GREB1L: variants seen among roughly 807,000 people sequenced by gnomAD.
GREB1L encodes the protein GREB1 like retinoic acid receptor coactivator.
A neutral mutation model predicts 200.8 loss-of-function variants in GREB1L; 17 were observed. The observed-to-expected ratio is 0.08, with a 90% CI of 0.06 to 0.13. GREB1L has a LOEUF of 0.13. Among genes scored for constraint, GREB1L ranks in the 10% least tolerant of loss-of-function variants. GREB1L has a pLI of 1.00. For missense variants in GREB1L, 1,657 were observed against 2,367.7 expected (o/e 0.70, Z 6.23); for synonymous variants, 789 against 893.0 (o/e 0.88, Z 2.08).
At chr18:21,396,405 A>G (rs865985856) in intron 5 of GREB1L, among the ~76,000 whole-genome samples, 3 of 152,250 alleles carry the variant, frequency 2.0e-5, no homozygotes, top group Middle Eastern at 3.4e-3. Flanking sequence ...TTGACCAGAC[A>G]TTTTTAAAAA....
In GREB1L at chr18:21,380,936, T is replaced by TAAAAATACAATAATTAGCCA. The variant is rs1266880063; in HGVS notation, c.-9-2573_-9-2554dup. On this transcript the variant is annotated intron_variant, in intron 2 of 32. Coordinates refer to ENST00000424526, the MANE Select transcript of GREB1L (RefSeq NM_001142966.3). ...CAAGATGGTGAAACCCCGTCTCTAC[T>TAAAAATACAATAATTAGCCA]AAAAATACAATAATTAGCCAGGCAC... Among the ~76,000 whole-genome samples, 8 of 151,150 alleles carry TAAAAATACAATAATTAGCCA rather than the reference T, an allele frequency of 5.3e-5. No homozygotes were observed. The East Asian group carries it at 1.6e-3, about 30-fold the overall frequency.
At chr18:21,432,503 G>T (rs1477948290) in intron 7 of GREB1L, among the ~76,000 whole-genome samples, 1 of 150,598 alleles carries the variant, frequency 6.6e-6, no homozygotes, top group African/African-American at 2.4e-5. Flanking sequence ...GTAAGATGTT[G>T]GTACAACTTT....
intron 19 of GREB1L, among the ~76,000 whole-genome samples, chr18:21,493,648 T>A (rs1379111130): frequency 6.6e-6 from 1 of 151,886 alleles, no homozygotes; most frequent in Admixed American, 6.6e-5. Context: ...GGGCAGTCGC[T>A]TGAGGTCAGG....
At chr18:21,406,315 G>GA (rs1378827962) in intron 7 of GREB1L, among the ~76,000 whole-genome samples, 1 of 152,156 alleles carries the variant, frequency 6.6e-6, no homozygotes, top group African/African-American at 2.4e-5. Flanking sequence ...GGAAGGCACT[G>GA]ACTGACTCAC....
At chr18:21,410,141 CAT>C (rs1371438471) in intron 7 of GREB1L, among the ~76,000 whole-genome samples, 3 of 151,942 alleles carry the variant, frequency 2.0e-5, no homozygotes, top group Admixed American at 2.0e-4. Context: ...TAGAAGAACA[CAT>C]GTTTTATCCC....
At chr18:21,365,403 T>C (rs930280144) in intron 1 of GREB1L, among the ~76,000 whole-genome samples, 1 of 152,160 alleles carries the variant, frequency 6.6e-6, no homozygotes, top group Non-Finnish European at 1.5e-5. Flanking sequence ...CCATAATCTA[T>C]TTAGAGGAGA....
intron 11 of GREB1L, among the ~76,000 whole-genome samples, chr18:21,446,657 A>G (rs898668776): frequency 3.3e-5 from 5 of 152,090 alleles, no homozygotes; most frequent in African/African-American, 1.2e-4. Flanking sequence ...TTTATTTATT[A>G]TTTATTTATT....
intron 1 of GREB1L, among the ~76,000 whole-genome samples, chr18:21,341,323 C>T (rs1309116821): frequency 6.6e-6 from 1 of 152,194 alleles, no homozygotes; most frequent in Non-Finnish European, 1.5e-5. Flanking sequence ...GCAAGGGTTC[C>T]TCCAGTTGAA....
At chr18:21,491,712 C>CA (rs35381989) in intron 19 of GREB1L, among the ~76,000 whole-genome samples, 46,225 of 123,694 alleles carry the variant, frequency 0.37, 10,013 homozygotes, top group African/African-American at 0.63. Context: ...GACTCTGTCT[C>CA]AAAAAAAAAA....
At chr18:21,509,721 A>G (rs2037161932) in intron 27 of GREB1L, among the ~76,000 whole-genome samples, 1 of 152,114 alleles carries the variant, frequency 6.6e-6, no homozygotes, top group Non-Finnish European at 1.5e-5. Flanking sequence ...GCCTTTTTCT[A>G]TATGAATATG....
intron 1 of GREB1L, among the ~76,000 whole-genome samples, chr18:21,350,479 T>C (rs1435960022): frequency 6.6e-6 from 1 of 152,054 alleles, no homozygotes; most frequent in Non-Finnish European, 1.5e-5. Context: ...CCTCAGGTGA[T>C]CCACCCGCCT....
intron 15 of GREB1L, among the ~76,000 whole-genome samples, chr18:21,469,948 T>C (rs536755749): frequency 5.3e-5 from 8 of 152,212 alleles, no homozygotes; most frequent in Non-Finnish European, 1.0e-4. Context: ...TTTGGTTCTT[T>C]GCTCGGCCAT....
intron 4 of GREB1L, among the ~76,000 whole-genome samples, chr18:21,386,188 G>A (rs893113198): frequency 6.6e-6 from 1 of 152,028 alleles, no homozygotes; most frequent in Non-Finnish European, 1.5e-5. Flanking sequence ...AGCTACTTTT[G>A]GTTCTTATAA....
intron 1 of GREB1L, among the ~76,000 whole-genome samples, chr18:21,343,088 G>C (rs1367292643): frequency 6.6e-6 from 1 of 151,432 alleles, no homozygotes; most frequent in African/African-American, 2.4e-5. Flanking sequence ...TTCCAGCCTT[G>C]CCATTTAGTA....
intron 15 of GREB1L, among the ~76,000 whole-genome samples, chr18:21,464,414 C>G (rs1360444849): frequency 6.6e-6 from 1 of 151,870 alleles, no homozygotes; most frequent in Non-Finnish European, 1.5e-5. Context: ...CGTAGTGGCA[C>G]ATGCCTGTAA....
chr18:21,357,113 G>T (rs1284954993), intron 1 of GREB1L, among the ~76,000 whole-genome samples: 1 of 152,160 alleles, frequency 6.6e-6, no homozygotes, highest in Admixed American at 6.5e-5. Flanking sequence ...GGAGTGCAGT[G>T]GCACAATCTC....
At chr18:21,343,899 C>T (rs1219181436) in intron 1 of GREB1L, among the ~76,000 whole-genome samples, 1 of 151,960 alleles carries the variant, frequency 6.6e-6, no homozygotes, top group African/African-American at 2.4e-5. Context: ...CCTCAGCTTC[C>T]CGAGTAGGTG....
chr18:21,494,936 T>C (rs1365731093), intron 19 of GREB1L, among the ~76,000 whole-genome samples: 1 of 152,236 alleles, frequency 6.6e-6, no homozygotes, highest in South Asian at 2.1e-4. Flanking sequence ...ATTAAAGATA[T>C]GTATGTCTAT....
intron 1 of GREB1L, among the ~76,000 whole-genome samples, chr18:21,291,040 A>G (rs1164812391): frequency 6.6e-6 from 1 of 152,090 alleles, no homozygotes; most frequent in Non-Finnish European, 1.5e-5. Flanking sequence ...ACATAGTTCT[A>G]TATTTATTCT....
Sources: gnomAD v4.1 joint callset for allele counts (sites outside exome capture counted in the v4.1 genomes callset) on GRCh38, gnomAD v4.1.1 for gene constraint, MANE v1.5 for transcripts, NCBI Gene and HGNC (gene_info 2026-07-23, HGNC 2026-07-21) for gene names.